Variants in PAK1 observed in about 807,000 individuals in gnomAD.
The protein encoded by PAK1 is p21 (RAC1) activated kinase 1, also known as serine/threonine-protein kinase PAK 1.
In PAK1, 29 loss-of-function variants were observed where a neutral mutation model predicts 67.4. The ratio of observed to expected loss-of-function variants is 0.43; its 90% confidence interval spans 0.32 to 0.59. PAK1 has a LOEUF of 0.59. Among genes scored for constraint, PAK1 ranks in the 20% least tolerant of loss-of-function variants. PAK1 has a pLI of 0.07. For missense variants in PAK1, 337 were observed against 670.7 expected (o/e 0.50, Z 5.50); for synonymous variants, 223 against 237.4 (o/e 0.94, Z 0.56).
chr11:77,341,802 A>T (rs1267830353), intron 10 of PAK1, among the ~76,000 whole-genome samples: 3 of 152,198 alleles, frequency 2.0e-5, no homozygotes, highest in Non-Finnish European at 4.4e-5. Flanking sequence ...GACTGTTGGA[A>T]GATTTTAACA....
chr11:77,405,652 A>AAGAC (rs55978730), intron 1 of PAK1, among the ~76,000 whole-genome samples: 69 of 135,954 alleles, frequency 5.1e-4, no homozygotes, highest in Non-Finnish European at 6.8e-4. Context: ...CTCCTATTCA[A>AAGAC]AGACAGACAG....
chr11:77,323,431 T>A (rs1938844691), intron 14 of PAK1, 71 bp from the exon 15 acceptor site: 3 of 1,013,316 alleles, frequency 3.0e-6, no homozygotes, highest in Non-Finnish European at 4.7e-6. Flanking sequence ...TTACAAGACA[T>A]AAAGGCATCT....
the PAK1 span, among the ~76,000 whole-genome samples, chr11:77,527,320 C>T: frequency 6.6e-6 from 1 of 152,140 alleles, no homozygotes; most frequent in Admixed American, 6.5e-5. Context: ...CCAGGCTGGT[C>T]TCTAACTCCT....
At chr11:77,421,754 A>G (rs1027867631) in intron 1 of PAK1, among the ~76,000 whole-genome samples, 19 of 152,338 alleles carry the variant, frequency 1.2e-4, no homozygotes, top group African/African-American at 4.3e-4. Context: ...TTCTCTCATC[A>G]TGTCATACAA....
chr11:77,492,491 C>T, the PAK1 span, among the ~76,000 whole-genome samples: 1 of 150,498 alleles, frequency 6.6e-6, no homozygotes, highest in Non-Finnish European at 1.5e-5. Context: ...AATTATGTCT[C>T]TGCCCAGGGT....
At chr11:77,359,611 T>C (rs2136604468) in intron 5 of PAK1, among the ~76,000 whole-genome samples, 1 of 152,208 alleles carries the variant, frequency 6.6e-6, no homozygotes, top group South Asian at 2.1e-4. Flanking sequence ...AACAATGAAT[T>C]TCTCCCCAGA....
upstream of PAK1, chr11:77,475,278 A>C (rs7109645): frequency 0.29 from 44,208 of 152,032 alleles, 6,770 homozygotes; most frequent in South Asian, 0.46. Flanking sequence ...CTTCTCCTAA[A>C]TATTTTTCAA....
chr11:77,502,540 G>T, the PAK1 span, among the ~76,000 whole-genome samples: 1 of 152,128 alleles, frequency 6.6e-6, no homozygotes, highest in Non-Finnish European at 1.5e-5. Flanking sequence ...CTGCAAAAAT[G>T]CAGAAAGAAA....
chr11:77,478,344 C>T (rs1488911170), upstream of PAK1, among the ~76,000 whole-genome samples: 1 of 152,178 alleles, frequency 6.6e-6, no homozygotes, highest in Non-Finnish European at 1.5e-5. Context: ...ACGTCCTCAT[C>T]ATCGTTCTTT....
intron 10 of PAK1, among the ~76,000 whole-genome samples, chr11:77,342,789 G>A (rs1462775727): frequency 1.3e-5 from 2 of 152,020 alleles, no homozygotes; most frequent in African/African-American, 4.8e-5. Flanking sequence ...GAGGTAGCTG[G>A]TCATGCAATA....
intron 1 of PAK1, among the ~76,000 whole-genome samples, chr11:77,399,040 T>C (rs1361376146): frequency 3.9e-5 from 6 of 152,146 alleles, no homozygotes; most frequent in Non-Finnish European, 2.9e-5. Context: ...ATATGAAAGG[T>C]ATGTACACCT....
rs2138052918 is a variant in PAK1 at position 77,411,951 on chromosome 11, T to TAG, written c.-21-19411_-21-19410insCT. On this transcript the variant is annotated intron_variant, in intron 1 of 14. Transcript: ENST00000356341. ...CCCGAGGTGCAGCACGCTCGCGCTCTCGCAGGGCGGCAGCGAAGGCGCCGC... is the reference window on the plus strand; with the variant it reads ...CCCGAGGTGCAGCACGCTCGCGCTCTAGCGCAGGGCGGCAGCGAAGGCGCCGC... 2.0e-5 allele frequency: 3 copies of TAG among 152,458 alleles called. No homozygotes were observed. The South Asian group carries it at 6.2e-4, about 32-fold the overall frequency. 9.4% of individuals were successfully genotyped at this position (152,458 alleles called of 1,614,324 possible). A position where few individuals can be genotyped will look rare whatever the true frequency, so the allele number is the denominator to read the frequency against.
chr11:77,380,120 T>C, intron 2 of PAK1, 126 bp from the exon 3 acceptor site: 2 of 643,774 alleles, frequency 3.1e-6, no homozygotes, highest in Non-Finnish European at 5.3e-6. Context: ...ATTTCACATA[T>C]GTAGAAGAGC....
intron 14 of PAK1, among the ~76,000 whole-genome samples, chr11:77,327,092 T>C (rs1330754039): frequency 6.6e-6 from 1 of 151,916 alleles, no homozygotes; most frequent in East Asian, 1.9e-4. Context: ...GAAAAAAGAA[T>C]AAAAAGAAAC....
intron 1 of PAK1, among the ~76,000 whole-genome samples, chr11:77,424,035 C>T (rs1203194015): frequency 6.6e-6 from 1 of 152,160 alleles, no homozygotes; most frequent in African/African-American, 2.4e-5. Flanking sequence ...AGGCTTAAGG[C>T]TAAACTTCCA....
At chr11:77,518,150 T>TCTAA in the PAK1 span, among the ~76,000 whole-genome samples, 1 of 152,258 alleles carries the variant, frequency 6.6e-6, no homozygotes, top group African/African-American at 2.4e-5. Flanking sequence ...TTCAATCTAG[T>TCTAA]CTAAATTCCT....
At chr11:77,416,719 C>T (rs1302022635) in intron 1 of PAK1, among the ~76,000 whole-genome samples, 3 of 152,102 alleles carry the variant, frequency 2.0e-5, no homozygotes, top group Admixed American at 6.5e-5. Context: ...TTTGGGAGGC[C>T]AAGGTGGGCG....
chr11:77,442,458 A>G (rs1004828449), intron 1 of PAK1, among the ~76,000 whole-genome samples: 3 of 152,192 alleles, frequency 2.0e-5, no homozygotes, highest in Admixed American at 1.3e-4. Flanking sequence ...ACAGGCACAC[A>G]TGGCAAAGAA....
At chr11:77,355,009 A>G (rs563876408) in intron 7 of PAK1, among the ~76,000 whole-genome samples, 43 of 152,276 alleles carry the variant, frequency 2.8e-4, no homozygotes, top group Middle Eastern at 6.8e-3. Flanking sequence ...AAGAGGCAGT[A>G]TGCTCTACTT....
Sources: gnomAD v4.1 joint callset for allele counts (sites outside exome capture counted in the v4.1 genomes callset) on GRCh38, gnomAD v4.1.1 for gene constraint, MANE v1.5 for transcripts, NCBI Gene and HGNC (gene_info 2026-07-23, HGNC 2026-07-21) for gene names.